The following BCL6 variants were observed in gnomAD, a reference collection of about 807,000 sequenced individuals.
BCL6 encodes the protein BCL6 transcription repressor, also known as B-cell lymphoma 6 protein.
Under a neutral mutation model 59.5 loss-of-function variants are expected in BCL6, and 7 were observed. The ratio of observed to expected loss-of-function variants is 0.12; its 90% CI spans 0.07 to 0.22. BCL6 has a LOEUF of 0.22. Ranked by LOEUF, BCL6 falls within the 10% of genes least tolerant of loss-of-function variation. The pLI, the probability that BCL6 is intolerant of heterozygous loss-of-function variation, is 1.00. For missense variants in BCL6, 685 were observed against 939.4 expected (o/e 0.73, Z 3.54); for synonymous variants, 339 against 349.7 (o/e 0.97, Z 0.34).
In BCL6 at chr3:187,729,516, C is replaced by G. The variant is rs1220888989; in HGVS notation, c.889G>C (p.Asp297His). 3 of 1,613,492 alleles carry G rather than the reference C, an allele frequency of 1.9e-6. No homozygotes were observed. In the African/African-American group the frequency reaches 4.0e-5, roughly 22 times the overall value. Residue 297 changes from aspartate (D) to histidine (H), a missense_variant, in exon 5 of 10, where the codon GAC (aspartate) becomes CAC (histidine). Around this residue, in one of 7 missense-constraint regions of BCL6, gnomAD observed 268 missense variants for 263.8 expected, o/e 1.02. Transcript: ENST00000406870. This position sits in a 1 kb window ranked among gnomAD's most constrained non-coding sequence, Gnocchi z 5.6. ...SARNAPYFPC[D>H]KASKEEERPS... ...CTCTCTTCTTCTTTGCTGGCCTTGTCACAAGGGAAGTAGGGGGCATTTCGG... is the reference window on the plus strand; with the variant it reads ...CTCTCTTCTTCTTTGCTGGCCTTGTGACAAGGGAAGTAGGGGGCATTTCGG...
chr3:187,734,070 T>C (rs1719175124), intron 2 of BCL6, among the ~76,000 whole-genome samples: 1 of 152,190 alleles, frequency 6.6e-6, no homozygotes, highest in Admixed American at 6.5e-5. Flanking sequence ...AGATGGAGTC[T>C]CACACTGTCA....
rs147311027 is a variant in BCL6, at chr3:187,730,098, T to C, written c.384-77A>G. The stretch of plus-strand genomic sequence containing the variant: ...ATAGATGACCTTCCAGTGACACTTA[T>C]ATAACCACATCTGTGTTTGAATTAG... On this transcript the variant is annotated intron_variant, in intron 4 of 9. Coordinates refer to ENST00000406870, the MANE Select transcript of BCL6 (RefSeq NM_001706.5). The C allele has an allele frequency of 3.6e-4, 532 of 1,495,014 alleles. 4 individuals are homozygous for C. The East Asian group carries it at 0.012, about 33-fold the overall frequency. The allele number at this position is 1,495,014 out of a possible 1,614,324, so 92.6% of individuals were successfully genotyped here. A position where few individuals can be genotyped will look rare whatever the true frequency, so the allele number is the denominator to read the frequency against.
chr3:187,745,055 A>G (rs540272600), intron 1 of BCL6, among the ~76,000 whole-genome samples: 3 of 151,814 alleles, frequency 2.0e-5, no homozygotes, highest in East Asian at 1.9e-4. Context: ...CCTTTCCAAA[A>G]ACCAAAACAA....
intron 1 of BCL6, among the ~76,000 whole-genome samples, chr3:187,735,868 A>C (rs938558125): frequency 5.3e-5 from 8 of 151,744 alleles, no homozygotes; most frequent in Non-Finnish European, 1.2e-4. Flanking sequence ...TTTTAGAGCT[A>C]TTTTCTGGGT....
chr3:187,744,643 G>C, intron 1 of BCL6, among the ~76,000 whole-genome samples: 1 of 152,072 alleles, frequency 6.6e-6, no homozygotes, highest in East Asian at 1.9e-4. Flanking sequence ...GGTTCGGCTC[G>C]AAGGCAGGGA....
intron 1 of BCL6, among the ~76,000 whole-genome samples, chr3:187,741,989 A>C (rs1188346620): frequency 2.0e-5 from 3 of 152,090 alleles, no homozygotes; most frequent in East Asian, 1.9e-4. Flanking sequence ...CAAAAAAAAA[A>C]ACCTTAGAAC....
chr3:187,729,153 T>G lies in BCL6; in HGVS notation c.1252A>C (p.Met418Leu), dbSNP rs142387697. The part of the protein sequence containing the change: ...YTAPPACQPP[M>L]EPENLDLQSP... Reference sequence around the variant, plus strand: ...TGGAGGTCAAGGTTCTCAGGCTCCATGGGTGGCTGGCAGGCAGGTGGGGCC... The same window carrying G: ...TGGAGGTCAAGGTTCTCAGGCTCCAGGGGTGGCTGGCAGGCAGGTGGGGCC... Residue 418 changes from methionine to leucine, a missense_variant, in exon 5 of 10, where the codon ATG becomes CTG. Coordinates refer to ENST00000406870, the MANE Select transcript of BCL6 (RefSeq NM_001706.5). The surrounding 1 kb of genome is among the most constrained non-coding windows in gnomAD (Gnocchi z 5.6). 101 of 1,607,878 alleles carry G rather than the reference T, an allele frequency of 6.3e-5. No individual in the cohort carries two copies. The African/African-American group carries it at 1.1e-3, about 17-fold the overall frequency.
At chr3:187,744,506 T>C (rs1576885037) in intron 1 of BCL6, among the ~76,000 whole-genome samples, 1 of 151,768 alleles carries the variant, frequency 6.6e-6, no homozygotes, top group African/African-American at 2.4e-5. Flanking sequence ...CACTCGGCTC[T>C]CATTAGGAAG....
intron 5 of BCL6, 76 bp downstream of exon 5, chr3:187,728,974 G>T: frequency 6.7e-7 from 1 of 1,492,156 alleles, no homozygotes; most frequent in Non-Finnish European, 8.9e-7. Flanking sequence ...AGCAATTCAG[G>T]CAAGAAAAGA....
chr3:187,744,294 G>C (rs529029197), intron 1 of BCL6, among the ~76,000 whole-genome samples: 4 of 152,124 alleles, frequency 2.6e-5, no homozygotes, highest in East Asian at 1.9e-4. Flanking sequence ...ACACTGAAAG[G>C]CATCGCAGGT....
chr3:187,744,220 A>T, intron 1 of BCL6, among the ~76,000 whole-genome samples: 1 of 152,346 alleles, frequency 6.6e-6, no homozygotes, highest in African/African-American at 2.4e-5. Flanking sequence ...CGCAGCGGCC[A>T]GAAATCCCGC....
At chr3:187,741,435 A>G (rs1254753245) in intron 1 of BCL6, among the ~76,000 whole-genome samples, 1 of 152,130 alleles carries the variant, frequency 6.6e-6, no homozygotes, top group Non-Finnish European at 1.5e-5. Context: ...TTCTCGGAGG[A>G]AAGGGGCGCT....
At position 187,729,200 on chromosome 3, in the gene BCL6, C is replaced by T. The variant is rs139744042; in HGVS notation, c.1205G>A (p.Arg402His). The T allele has an allele frequency of 2.1e-4, 328 of 1,592,922 alleles. 1 individual carries two copies. In the Middle Eastern group the frequency reaches 4.7e-3, roughly 23 times the overall value. Residue 402 changes from arginine (R) to histidine (H), a missense_variant, in exon 5 of 10, where the codon CGC becomes CAC. Transcript: ENST00000406870. This position sits in a 1 kb window ranked among gnomAD's most constrained non-coding sequence, Gnocchi z 5.6. ...PEGPEQAELG[R>H]LSPRAYTAPP... ...GGCCGTGTAGGCTCGTGGGGAAAGG[C>T]GGCCCAGCTCAGCCTGCTCAGGCCC...
At chr3:187,744,773 A>G (rs1351023668) in intron 1 of BCL6, among the ~76,000 whole-genome samples, 5 of 152,008 alleles carry the variant, frequency 3.3e-5, no homozygotes, top group East Asian at 3.9e-4. Context: ...GAGGCGAGGA[A>G]AAAGAGGAGG....
At chr3:187,728,188 C>G (rs1718816759) in intron 6 of BCL6, among the ~76,000 whole-genome samples, 172 bp downstream of exon 6, 1 of 152,224 alleles carries the variant, frequency 6.6e-6, no homozygotes, top group South Asian at 2.1e-4. Flanking sequence ...TAACCCAGTT[C>G]CCCAAGAAGC....
chr3:187,740,797 G>A (rs919146300), intron 1 of BCL6, among the ~76,000 whole-genome samples: 2 of 152,222 alleles, frequency 1.3e-5, no homozygotes, highest in African/African-American at 4.8e-5. Context: ...TGGTGTGTTC[G>A]AAGCGGGTTA....
chr3:187,728,489 G>A lies in BCL6; in HGVS notation c.1411C>T (p.His471Tyr), dbSNP rs1196017842. 1 of 1,611,646 alleles carries A rather than the reference G, an allele frequency of 6.2e-7. No homozygotes were observed. Among genetic ancestry groups the A allele is most frequent in the Non-Finnish European group, 8.5e-7 (1 of 1,179,622 alleles). The change falls in exon 6 of 10, where the codon CAC (histidine) becomes TAC (tyrosine). Residue 471 changes from histidine (H) to tyrosine (Y), a missense_variant. This residue lies in a region of BCL6 where 207 missense variants were observed against 213.7 expected (regional missense o/e 0.97). Coordinates refer to ENST00000406870, the MANE Select transcript of BCL6 (RefSeq NM_001706.5). ...SSESHSPLYM[H>Y]PPKCTSCGSQ... ...CCGCAGGACGTGCACTTCGGGGGGT[G>A]CATGTAGAGTGGTGAGTGGCTCTCG... is the stretch of plus-strand genomic sequence containing the variant.
intron 1 of BCL6, among the ~76,000 whole-genome samples, chr3:187,744,657 T>C (rs569509251): frequency 1.3e-5 from 2 of 152,112 alleles, no homozygotes; most frequent in East Asian, 1.9e-4. Flanking sequence ...GCAGGGAATC[T>C]AAAAGACCGA....
intron 9 of BCL6, 103 bp from the exon 10 acceptor site, chr3:187,722,704 C>A (rs953929280): frequency 2.0e-5 from 29 of 1,455,480 alleles, no homozygotes; most frequent in African/African-American, 4.3e-5. Flanking sequence ...GGGACTGGGG[C>A]AGCTCTTGCC....
Sources: allele counts gnomAD v4.1 joint callset (sites outside exome capture counted in the v4.1 genomes callset), GRCh38; gene constraint gnomAD v4.1.1; regional missense constraint gnomAD v4.1.1; non-coding constraint Gnocchi (gnomAD v3.1); transcripts MANE v1.5; gene names NCBI Gene and HGNC (gene_info 2026-07-23, HGNC 2026-07-21).